ACBD6: variants seen among roughly 807,000 people sequenced by gnomAD.
ACBD6 encodes acyl-CoA-binding domain-containing protein 6.
ACBD6 carries 28 observed loss-of-function variants against 37.2 expected under a neutral mutation model. That is an observed-to-expected ratio of 0.75 (90% CI 0.56 to 1.03). ACBD6 has a LOEUF of 1.03. ACBD6 is among the 50% of genes least tolerant of loss of function. ACBD6 has a pLI of 0.00. For synonymous variants in ACBD6, 113 were observed against 126.8 expected, an observed-to-expected ratio of 0.89 and a Z score of 0.73; for missense variants, 340 against 337.4, an observed-to-expected ratio of 1.01 and a Z score of -0.06.
chr1:180,322,822 A>G (rs1651124994), intron 6 of ACBD6, among the ~76,000 whole-genome samples: 1 of 149,010 alleles, frequency 6.7e-6, no homozygotes, highest in Non-Finnish European at 1.5e-5. Flanking sequence ...TGATGACTGT[A>G]TTCTTTCCTT....
chr1:180,392,501 T>A (rs1357825086), intron 6 of ACBD6, among the ~76,000 whole-genome samples: 1 of 151,860 alleles, frequency 6.6e-6, no homozygotes, highest in East Asian at 1.9e-4. Context: ...GGCTTTGGAG[T>A]CAGAATATTC....
rs1172104529 is a variant in ACBD6, at chr1:180,367,277, T to C, written c.663+30239A>G. ...AAGGGAATGAATAAATTTGTTTCAT[T>C]AGTCAACAAATACTTACAAAATGAC... On this transcript the variant is annotated intron_variant, in intron 6 of 7. Transcript: ENST00000367595. Among the ~76,000 whole-genome samples, 5 of 152,210 alleles carry C rather than the reference T, an allele frequency of 3.3e-5. No individual in the cohort carries two copies. In the South Asian group the frequency reaches 6.2e-4, roughly 19 times the overall value.
intron 6 of ACBD6, among the ~76,000 whole-genome samples, chr1:180,325,695 C>A (rs1245125774): frequency 1.3e-4 from 20 of 152,052 alleles, no homozygotes; most frequent in Admixed American, 9.8e-4. Context: ...CACGTTTGTG[C>A]CCATTTTTCT....
chr1:180,279,778 T>TTA (rs1441540233), intron 9 of ACBD6, among the ~76,000 whole-genome samples: 1 of 152,056 alleles, frequency 6.6e-6, no homozygotes, highest in Non-Finnish European at 1.5e-5. Context: ...GAGTCTTTAT[T>TTA]AGTGTGCAGA....
intron 4 of ACBD6, among the ~76,000 whole-genome samples, chr1:180,418,384 C>T (rs1220248082): frequency 6.6e-6 from 1 of 151,934 alleles, no homozygotes; most frequent in East Asian, 1.9e-4. Flanking sequence ...TTGAGACCAG[C>T]CTGGGCAACA....
At chr1:180,440,625 G>A (rs1649244369) in intron 3 of ACBD6, among the ~76,000 whole-genome samples, 1 of 150,060 alleles carries the variant, frequency 6.7e-6, no homozygotes, top group African/African-American at 2.5e-5. Context: ...CAAACCTTTA[G>A]CCTTGAACCC....
chr1:180,463,801 T>C (rs549381645), intron 3 of ACBD6, among the ~76,000 whole-genome samples: 1 of 152,090 alleles, frequency 6.6e-6, no homozygotes, highest in East Asian at 1.9e-4. Flanking sequence ...CAGTGCAAAA[T>C]CCTCAGCAAA....
At chr1:180,306,202 A>G (rs143612622) in intron 7 of ACBD6, among the ~76,000 whole-genome samples, 2,948 of 152,032 alleles carry the variant, frequency 0.019, 101 homozygotes, top group African/African-American at 0.066. Context: ...TACATATGTA[A>G]CTAAACTGCA....
intron 6 of ACBD6, among the ~76,000 whole-genome samples, chr1:180,390,997 T>C (rs1327845467): frequency 6.6e-6 from 1 of 152,178 alleles, no homozygotes; most frequent in Non-Finnish European, 1.5e-5. Flanking sequence ...ATCAATGGAA[T>C]AAAATTAAGA....
In ACBD6 at chr1:180,501,912, AAAAAAAC is replaced by A. The variant is rs752932590; in HGVS notation, c.222+126_222+132del. On this transcript the variant is annotated intron_variant, in intron 1 of 7. Coordinates refer to ENST00000367595, the MANE Select transcript of ACBD6 (RefSeq NM_032360.4). Reference sequence around the variant, plus strand: ...TCATCCCCAGCAGATGGTCAAAAAAAAAAAAACAAAACAAAATACACATACACAAGCT... The same window carrying A: ...TCATCCCCAGCAGATGGTCAAAAAAAAAAACAAAATACACATACACAAGCT... 1.6e-4 allele frequency: 145 copies of A among 884,220 alleles called. 2 individuals carry two copies. In the Middle Eastern group the frequency reaches 3.4e-3, roughly 21 times the overall value. The allele number at this position is 884,220 out of a possible 1,614,324, so 54.8% of individuals were successfully genotyped here.
intron 7 of ACBD6, among the ~76,000 whole-genome samples, chr1:180,299,538 C>T (rs1650047271): frequency 6.6e-6 from 1 of 152,028 alleles, no homozygotes; most frequent in Admixed American, 6.6e-5. Context: ...TCCATTAATC[C>T]TCAGGGTTTT....
In ACBD6 at chr1:180,314,720, G is replaced by A. The variant is rs1444875721; in HGVS notation, c.666C>T (p.Asp222=). The change falls in exon 7 of 8, where the codon GAC becomes GAT. Residue 222 remains aspartate (D), a splice_region_variant and synonymous_variant. Coordinates refer to ENST00000367595, the MANE Select transcript of ACBD6 (RefSeq NM_032360.4). ...AATGTAGAGCTGTTTGGCCTTCATT[G>A]TCCTATAAAAGAAACAAATAATACA... ...LQHRADINCQ[D]NEGQTALHYA... The A allele has an allele frequency of 2.6e-6, 4 of 1,533,226 alleles. No homozygotes were observed. The African/African-American group carries it at 4.1e-5, about 16-fold the overall frequency. 95.0% of individuals were successfully genotyped at this position (1,533,226 alleles called of 1,614,324 possible).
intron 7 of ACBD6, 82 bp from the exon 8 acceptor site, chr1:180,288,599 C>T: frequency 6.7e-7 from 1 of 1,488,250 alleles, no homozygotes. Flanking sequence ...AAGGAAAGTG[C>T]TGAGCAATAA....
At chr1:180,314,621 G>A in intron 7 of ACBD6, 71 bp downstream of exon 7, 1 of 1,297,616 alleles carries the variant, frequency 7.7e-7, no homozygotes, top group East Asian at 2.4e-5. Context: ...ATATAGGAAT[G>A]GACAAAGTTG....
intron 6 of ACBD6, among the ~76,000 whole-genome samples, chr1:180,370,220 G>A (rs886553337): frequency 9.2e-5 from 14 of 152,170 alleles, no homozygotes; most frequent in Non-Finnish European, 1.5e-5. Flanking sequence ...ACAAAAGAGG[G>A]GGGTTTAAAG....
chr1:180,352,449 G>A (rs72714814), intron 6 of ACBD6, among the ~76,000 whole-genome samples: 6,881 of 152,006 alleles, frequency 0.045, 227 homozygotes, highest in South Asian at 0.089. Flanking sequence ...CTCAGCCTCC[G>A]AAAAGCTGGG....
At chr1:180,270,252 G>A (rs895026255) in exon 14 of ACBD6, 1 of 152,216 alleles carries the variant, frequency 6.6e-6, no homozygotes, top group Non-Finnish European at 1.5e-5. Context: ...ACACATGTTG[G>A]CTACTATTGT....
intron 6 of ACBD6, among the ~76,000 whole-genome samples, chr1:180,377,467 T>C (rs576425269): frequency 6.6e-6 from 1 of 152,252 alleles, no homozygotes; most frequent in South Asian, 2.1e-4. Flanking sequence ...CTTGGAGAAA[T>C]GGTTGGTGCC....
chr1:180,295,718 G>T (rs953807036), intron 7 of ACBD6, among the ~76,000 whole-genome samples: 1 of 151,812 alleles, frequency 6.6e-6, no homozygotes, highest in Non-Finnish European at 1.5e-5. Flanking sequence ...GTAATTTTTT[G>T]GGGGTGCCAT....
Sources: gnomAD v4.1 joint callset for allele counts (sites outside exome capture counted in the v4.1 genomes callset) on GRCh38, gnomAD v4.1.1 for gene constraint, MANE v1.5 for transcripts, NCBI Gene and HGNC (gene_info 2026-07-23, HGNC 2026-07-21) for gene names.